MYO5B: variants seen among roughly 807,000 people sequenced by gnomAD.
MYO5B encodes unconventional myosin-Vb.
In MYO5B, 143 loss-of-function variants were observed where a neutral mutation model predicts 229.3. That is an observed-to-expected ratio of 0.62 (90% CI 0.54 to 0.72). The LOEUF (loss-of-function observed/expected upper bound fraction) is 0.72, where lower values mean the gene tolerates loss of function less well. MYO5B is among the 30% of genes least tolerant of loss of function. The pLI, the probability that MYO5B is intolerant of heterozygous loss-of-function variation, is 0.00. For synonymous variants in MYO5B, 918 were observed against 885.2 expected, an observed-to-expected ratio of 1.04 and a Z score of -0.66; for missense variants, 2,321 against 2,331.0, an observed-to-expected ratio of 1.00 and a Z score of 0.09.
chr18:50,176,113 G>A lies in MYO5B; in HGVS notation c.27+18654C>T, dbSNP rs114303220. ...CTCTGAATGAGCTCCATTTACTAAG[G>A]TCCCCTTAAAATATGTCATTGAAAT... On this transcript the variant is annotated intron_variant, in intron 1 of 39. Transcript: ENST00000285039. Among the ~76,000 whole-genome samples, 683 of 152,236 alleles carry A rather than the reference G, an allele frequency of 4.5e-3. 9 individuals are homozygous for A. The highest frequency in any genetic ancestry group is 0.015 in the African/African-American group (636 of 41,532).
At chr18:49,898,830 C>G (rs1431657223) in intron 21 of MYO5B, among the ~76,000 whole-genome samples, 1 of 152,104 alleles carries the variant, frequency 6.6e-6, no homozygotes, top group Admixed American at 6.6e-5. Context: ...GGGTGCTAGC[C>G]TTACCCTGGT....
chr18:50,000,499 G>T (rs1455810448), intron 5 of MYO5B, among the ~76,000 whole-genome samples: 1 of 152,192 alleles, frequency 6.6e-6, no homozygotes, highest in Non-Finnish European at 1.5e-5. Context: ...CAGGGACTAC[G>T]AGGCCATTTC....
At chr18:49,962,026 C>T (rs1437456702) in intron 12 of MYO5B, among the ~76,000 whole-genome samples, 1 of 152,190 alleles carries the variant, frequency 6.6e-6, no homozygotes, top group Non-Finnish European at 1.5e-5. Context: ...CCGTGCCACC[C>T]AGGCTCCCCC....
chr18:49,831,079 C>A (rs1447689532), intron 39 of MYO5B, among the ~76,000 whole-genome samples: 1 of 151,994 alleles, frequency 6.6e-6, no homozygotes, highest in Admixed American at 6.6e-5. Context: ...GGTGCTGAGA[C>A]AACTGGATAT....
chr18:49,905,477 A>G (rs2024889094), intron 19 of MYO5B, among the ~76,000 whole-genome samples: 1 of 152,142 alleles, frequency 6.6e-6, no homozygotes, highest in Admixed American at 6.5e-5. Flanking sequence ...CAGGCCTATA[A>G]CAAGTGCTCA....
intron 22 of MYO5B, 118 bp from the exon 23 acceptor site, chr18:49,880,573 T>C (rs2276177): frequency 1.2e-6 from 1 of 826,874 alleles, no homozygotes; most frequent in East Asian, 2.4e-5. Flanking sequence ...AAAATTGATT[T>C]GGTTAAAGCT....
chr18:49,829,080 A>G (rs1301050828), intron 39 of MYO5B, among the ~76,000 whole-genome samples: 1 of 91,706 alleles, frequency 1.1e-5, no homozygotes, highest in Non-Finnish European at 2.1e-5. Flanking sequence ...CAAAAAATTG[A>G]CAATTTTTTT....
intron 34 of MYO5B, among the ~76,000 whole-genome samples, chr18:49,842,503 A>C (rs1475344002): frequency 6.6e-6 from 1 of 152,242 alleles, no homozygotes; most frequent in Non-Finnish European, 1.5e-5. Context: ...TAAGAACTAA[A>C]GATGGTCTCT....
At chr18:50,059,919 G>A (rs536940493) in intron 1 of MYO5B, among the ~76,000 whole-genome samples, 29 of 152,268 alleles carry the variant, frequency 1.9e-4, no homozygotes, top group African/African-American at 7.0e-4. Context: ...AGCAGTATAT[G>A]ATGAGTATAA....
intron 10 of MYO5B, among the ~76,000 whole-genome samples, chr18:49,967,570 G>A (rs766292504): frequency 1.3e-5 from 2 of 152,216 alleles, no homozygotes; most frequent in Non-Finnish European, 2.9e-5. Flanking sequence ...TCCAGGGAAT[G>A]ATTATTAGAA....
At chr18:49,942,395 A>AAAAC (rs2025325443) in intron 14 of MYO5B, among the ~76,000 whole-genome samples, 1 of 141,786 alleles carries the variant, frequency 7.1e-6, no homozygotes, top group African/African-American at 2.7e-5. Flanking sequence ...AAAAAAAAAA[A>AAAAC]AAAAAAAAAA....
chr18:50,012,591 T>G (rs1330849050), intron 4 of MYO5B, among the ~76,000 whole-genome samples: 2 of 152,204 alleles, frequency 1.3e-5, no homozygotes, highest in Non-Finnish European at 2.9e-5. Context: ...AGCATTAAGA[T>G]TCAGGTGCAA....
chr18:49,883,421 A>C (rs1787314), intron 22 of MYO5B, among the ~76,000 whole-genome samples: 90,020 of 150,360 alleles, frequency 0.6, 26,981 homozygotes, highest in Middle Eastern at 0.67. Flanking sequence ...TTAGGAATAA[A>C]TTTAACAAGA....
rs113308067 is a variant in MYO5B, at chr18:49,895,396, TTCAAAGAGC to T, written c.2812-231_2812-223del. On this transcript the variant is annotated intron_variant, in intron 21 of 39. Transcript: ENST00000285039. ...AAAACAAAGAACAGCAACACTGACA[TTCAAAGAGC>T]TCAAGGAGCTTTCGTGAGCATGTGC... Among the ~76,000 whole-genome samples the T allele has an allele frequency of 0.18, 27,676 of 152,006 alleles. 2,700 individuals carry two copies. The highest frequency in any genetic ancestry group is 0.41 in the East Asian group (2,096 of 5,118).
chr18:49,985,343 C>T (rs1257382661), intron 7 of MYO5B, among the ~76,000 whole-genome samples: 2 of 152,174 alleles, frequency 1.3e-5, no homozygotes, highest in African/African-American at 4.8e-5. Flanking sequence ...AGGTTGATAC[C>T]CTTACATGTT....
intron 28 of MYO5B, among the ~76,000 whole-genome samples, chr18:49,863,579 G>T (rs940099192): frequency 3.9e-5 from 6 of 152,146 alleles, no homozygotes; most frequent in African/African-American, 1.4e-4. Flanking sequence ...AGGTGCCCCT[G>T]GGAGGAGAGA....
intron 36 of MYO5B, 68 bp from the exon 37 acceptor site, chr18:49,837,870 A>T: frequency 1.3e-6 from 2 of 1,558,134 alleles, no homozygotes; most frequent in Non-Finnish European, 1.8e-6. Flanking sequence ...GACCACTCAA[A>T]TCATTTAGTG....
At chr18:50,149,132 A>G (rs1398678436) in intron 1 of MYO5B, among the ~76,000 whole-genome samples, 1 of 152,216 alleles carries the variant, frequency 6.6e-6, no homozygotes. Context: ...TACAAGGGAC[A>G]TGAAGGACCT....
At chr18:50,040,031 G>T in intron 3 of MYO5B, 112 bp downstream of exon 3, 1 of 1,208,326 alleles carries the variant, frequency 8.3e-7, no homozygotes, top group Non-Finnish European at 1.2e-6. Flanking sequence ...TCAGTGGAGA[G>T]ATACTTACAA....
Sources: allele counts gnomAD v4.1 joint callset (sites outside exome capture counted in the v4.1 genomes callset), GRCh38; gene constraint gnomAD v4.1.1; transcripts MANE v1.5; gene names NCBI Gene and HGNC (gene_info 2026-07-23, HGNC 2026-07-21).